CHI3L1: variants seen among roughly 807,000 people sequenced by gnomAD.
CHI3L1 encodes the protein chitinase-3-like protein 1.
Under a neutral mutation model 40.7 loss-of-function variants are expected in CHI3L1, and 30 were observed. The ratio of observed to expected loss-of-function variants is 0.74; its 90% CI spans 0.55 to 1.00. CHI3L1 has a LOEUF of 1.00. Among genes scored for constraint, CHI3L1 ranks in the 50% least tolerant of loss-of-function variants. The pLI is 0.00. For missense variants in CHI3L1, 493 were observed against 492.2 expected (o/e 1.00, Z -0.01); for synonymous variants, 210 against 192.1 (o/e 1.09, Z -0.77).
At chr1:203,183,395 T>C (rs1490632232) in intron 5 of CHI3L1, among the ~76,000 whole-genome samples, 2 of 152,126 alleles carry the variant, frequency 1.3e-5, no homozygotes, top group East Asian at 3.9e-4. Flanking sequence ...TGGGTAGTTA[T>C]AAGTGGGTGC....
At position 203,183,660 on chromosome 1, in the gene CHI3L1, T is replaced by G. The variant is rs199534052; in HGVS notation, c.446A>C (p.His149Pro). 50 of 1,614,104 alleles carry G rather than the reference T, an allele frequency of 3.1e-5. No homozygotes were observed. Among genetic ancestry groups the G allele is most frequent in the Non-Finnish European group, 4.1e-5 (48 of 1,180,020 alleles). Residue 149 changes from histidine (H) to proline (P), a missense_variant, in exon 5 of 10, where the codon CAT (histidine) becomes CCT (proline). Physicochemically the swap from His to Pro is moderately conservative, Grantham distance 77. Transcript: ENST00000255409. ...CAGCACCTTGATTAGGGTGGTAAAATGCTGTTTGTCTCTCCGTCCAGGGTA... is the reference window on the plus strand; with the variant it reads ...CAGCACCTTGATTAGGGTGGTAAAAGGCTGTTTGTCTCTCCGTCCAGGGTA... ...WLYPGRRDKQ[H>P]FTTLIKEMKA...
chr1:203,179,915 G>A (rs748581806), intron 8 of CHI3L1, 38 bp from the exon 9 acceptor site: 47 of 1,598,546 alleles, frequency 2.9e-5, no homozygotes, highest in African/African-American at 1.7e-4. Flanking sequence ...GTGGGGAGTC[G>A]TGCCGAGACC....
At chr1:203,186,277 G>T (rs760505974) in intron 2 of CHI3L1, 39 bp downstream of exon 2, 6 of 1,566,056 alleles carry the variant, frequency 3.8e-6, no homozygotes, top group Non-Finnish European at 5.2e-6. Flanking sequence ...CCCTCGCCAC[G>T]CCTCTGGACT....
intron 8 of CHI3L1, 94 bp downstream of exon 8, chr1:203,180,376 C>A: frequency 8.3e-7 from 1 of 1,210,364 alleles, no homozygotes. Flanking sequence ...TTCTTTATTC[C>A]CAAAGGAGAA....
At position 203,179,802 on chromosome 1, in the gene CHI3L1, G is replaced by T. The variant is rs1655894032; in HGVS notation, c.970C>A (p.Gln324Lys). 2.5e-6 allele frequency: 4 copies of T among 1,614,080 alleles called. No homozygotes were observed. Among genetic ancestry groups the T allele is most frequent in the African/African-American group, 1.3e-5 (1 of 74,928 alleles). Residue 324 changes from glutamine (Q) to lysine (K), a missense_variant, in exon 9 of 10, where the codon CAG (glutamine) becomes AAG (lysine). Coordinates refer to ENST00000255409, the MANE Select transcript of CHI3L1 (RefSeq NM_001276.4). ...QQVPYATKGN[Q>K]WVGYDDQESV... is the part of the protein sequence containing the mutation. ...TCCTGGTCGTCGTATCCTACCCACT[G>T]GTTGCCCTTGGTGGCATAGGGGACC...
At chr1:203,182,429 G>A (rs1655955041) in intron 6 of CHI3L1, among the ~76,000 whole-genome samples, 1 of 152,250 alleles carries the variant, frequency 6.6e-6, no homozygotes, top group African/African-American at 2.4e-5. Flanking sequence ...TAGCTGGAGG[G>A]TTTGAATAGC....
Position 203,184,600 on chromosome 1 carries a change from C to A in CHI3L1, c.290G>T (p.Gly97Val). 6.2e-7 allele frequency: 1 copy of A among 1,614,088 alleles called. No individual in the cohort carries two copies. The highest frequency in any genetic ancestry group is 8.5e-7 in the Non-Finnish European group (1 of 1,179,956). Residue 97 changes from glycine to valine, a missense_variant, in exon 4 of 10, where the codon GGA (glycine) becomes GTA (valine). Coordinates refer to ENST00000255409, the MANE Select transcript of CHI3L1 (RefSeq NM_001276.4). ...CCTTTGAGACCCAAAGTTCCATCCT[C>A]CGACAGACAAGAGAGTCTTCAGGTT... is the stretch of plus-strand genomic sequence containing the variant. Reference protein sequence around the residue: ...NPNLKTLLSVGGWNFGSQRFS... With the variant: ...NPNLKTLLSVVGWNFGSQRFS...
rs1655962771 is a variant in CHI3L1, at chr1:203,182,765, T to C, written c.553A>G (p.Ile185Val). Residue 185 changes from isoleucine to valine, a missense_variant, in exon 6 of 10, where the codon ATT becomes GTT. By Grantham distance (29) the Ile-to-Val change is conservative. Coordinates refer to ENST00000255409, the MANE Select transcript of CHI3L1 (RefSeq NM_001276.4). ...SAALSAGKVT[I>V]DSSYDIAKIS... ...TTGGCAATGTCATAGCTGCTGTCAA[T>C]GGTGACCTTCCCCGCAGACAGTGCT... 3 of 1,614,056 alleles carry C rather than the reference T, an allele frequency of 1.9e-6. No homozygotes were observed. Among genetic ancestry groups the C allele is most frequent in the Admixed American group, 3.3e-5 (2 of 60,006 alleles).
rs200519289 is a variant in CHI3L1, at chr1:203,183,739, C to G, written c.367G>C (p.Val123Leu). Residue 123 changes from valine (V) to leucine (L), a missense_variant, in exon 5 of 10, where the codon GTA (valine) becomes CTA (leucine). Val to Leu is a conservative substitution (Grantham distance 32). Coordinates refer to ENST00000255409, the MANE Select transcript of CHI3L1 (RefSeq NM_001276.4). ...CCATGGGTGCGCAGAAATGGCGGTACTGACTTGATGAAAGTCCGGCGACTC... is the reference window on the plus strand; with the variant it reads ...CCATGGGTGCGCAGAAATGGCGGTAGTGACTTGATGAAAGTCCGGCGACTC... Reference protein sequence around the residue: ...TQSRRTFIKSVPPFLRTHGFD... With the variant: ...TQSRRTFIKSLPPFLRTHGFD... 32 of 1,614,218 alleles carry G rather than the reference C, an allele frequency of 2.0e-5. No homozygotes were observed. The highest frequency in any genetic ancestry group is 3.3e-4 in the Middle Eastern group (2 of 6,062).
chr1:203,180,430 G>T, intron 8 of CHI3L1, 40 bp downstream of exon 8: 2 of 1,484,602 alleles, frequency 1.3e-6, no homozygotes, highest in Non-Finnish European at 1.8e-6. Flanking sequence ...AGGGCTGCTG[G>T]TGGTGTGGGG....
chr1:203,182,596 A>C (rs1229376401), intron 6 of CHI3L1, 135 bp downstream of exon 6: 1 of 956,938 alleles, frequency 1.0e-6, no homozygotes, highest in East Asian at 2.4e-5. Flanking sequence ...TCAAGGTCAC[A>C]CATCAAGGCT....
At chr1:203,181,036 T>A in intron 7 of CHI3L1, 126 bp downstream of exon 7, 1 of 1,264,696 alleles carries the variant, frequency 7.9e-7, no homozygotes, top group Non-Finnish European at 1.1e-6. Flanking sequence ...TCCTTATCTG[T>A]GGAATGGGCC....
intron 6 of CHI3L1, 96 bp downstream of exon 6, chr1:203,182,635 G>T: frequency 7.1e-7 from 1 of 1,407,930 alleles, no homozygotes; most frequent in Non-Finnish European, 1.0e-6. Context: ...GAAGCCCAGT[G>T]TCCTCAGTCT....
At chr1:203,185,073 C>T in intron 3 of CHI3L1, 111 bp downstream of exon 3, 1 of 878,080 alleles carries the variant, frequency 1.1e-6, no homozygotes, top group Admixed American at 2.1e-5. Context: ...CCCTCTAACT[C>T]TCCAAACATA....
In CHI3L1 at chr1:203,185,277, A is replaced by G. The variant is rs757231086; in HGVS notation, c.164T>C (p.Ile55Thr). ...ALDRFLCTHI[I>T]YSFANISNDH... ...GTTGCTTATATTGGCAAAGCTGTAG[A>G]TGATGTGGGTACAGAGGAAGCGGTC... The change falls in exon 3 of 10, where the codon ATC (isoleucine) becomes ACC (threonine). Residue 55 changes from isoleucine to threonine, a missense_variant. By Grantham distance (89) the Ile-to-Thr change is moderately conservative. Coordinates refer to ENST00000255409, the MANE Select transcript of CHI3L1 (RefSeq NM_001276.4). The G allele has an allele frequency of 1.2e-6, 2 of 1,614,196 alleles. No individual in the cohort carries two copies. The highest frequency in any genetic ancestry group is 1.7e-6 in the Non-Finnish European group (2 of 1,180,024).
intron 3 of CHI3L1, 146 bp downstream of exon 3, chr1:203,185,038 T>C: frequency 1.5e-6 from 1 of 662,300 alleles, no homozygotes; most frequent in Non-Finnish European, 2.6e-6. Flanking sequence ...CCTACAGTCA[T>C]CCCCTCCACC....
At position 203,181,173 on chromosome 1, in the gene CHI3L1, A is replaced by C; in HGVS notation, c.700T>G (p.Phe234Val). 1 of 1,614,032 alleles carries C rather than the reference A, an allele frequency of 6.2e-7. No individual in the cohort carries two copies. Among genetic ancestry groups the C allele is most frequent in the South Asian group, 1.1e-5 (1 of 91,076 alleles). Residue 234 changes from phenylalanine (F) to valine (V), a missense_variant, in exon 7 of 10, where the codon TTC (phenylalanine) becomes GTC (valine). Transcript: ENST00000255409. ...RGQEDASPDR[F>V]SNTDYAVGYM... ...TTCTGGGAACTCACAGTGTTGCTGA[A>C]TCTGTCAGGACTTGCATCCTCCTGA...
Position 203,183,723 on chromosome 1 carries a change from C to A in CHI3L1, c.383G>T (p.Arg128Leu), listed in dbSNP as rs147131854. The change falls in exon 5 of 10, where the codon CGC becomes CTC. Residue 128 changes from arginine (R) to leucine (L), a missense_variant. Physicochemically the swap from Arg to Leu is moderately radical, Grantham distance 102. Transcript: ENST00000255409. ...TFIKSVPPFL[R>L]THGFDGLDLA... ...GTCCAGCCCATCAAAGCCATGGGTG[C>A]GCAGAAATGGCGGTACTGACTTGAT... 2 of 1,614,194 alleles carry A rather than the reference C, an allele frequency of 1.2e-6. No homozygotes were observed. Among genetic ancestry groups the A allele is most frequent in the African/African-American group, 2.7e-5 (2 of 75,024 alleles).
intron 6 of CHI3L1, chr1:203,181,771 C>G (rs35405821): frequency 0.41 from 63,088 of 154,810 alleles, 14,545 homozygotes; most frequent in Non-Finnish European, 0.52. Flanking sequence ...CTCCAGGGCA[C>G]GGGCTCAGGG....
Sources: allele counts gnomAD v4.1 joint callset (sites outside exome capture counted in the v4.1 genomes callset), GRCh38; gene constraint gnomAD v4.1.1; transcripts MANE v1.5; gene names NCBI Gene and HGNC (gene_info 2026-07-23, HGNC 2026-07-21).